The following ANO9 variants were observed in gnomAD, a reference collection of about 807,000 sequenced individuals.
ANO9 encodes the protein anoctamin 9, also known as anoctamin-9.
A neutral mutation model predicts 100.5 loss-of-function variants in ANO9; 80 were observed. That is an observed-to-expected ratio of 0.80 (90% CI 0.66 to 0.96). The LOEUF (loss-of-function observed/expected upper bound fraction) is 0.96, where lower values mean the gene tolerates loss of function less well. Among genes scored for constraint, ANO9 ranks in the 40% least tolerant of loss-of-function variants. The pLI is 0.00. For synonymous variants in ANO9, 473 were observed against 435.6 expected, an observed-to-expected ratio of 1.09 and a Z score of -1.07; for missense variants, 1,064 against 1,072.7, an observed-to-expected ratio of 0.99 and a Z score of 0.11.
rs1201077565 is a variant in ANO9, at chr11:421,644, G to A, written c.1335-446C>T. The stretch of plus-strand genomic sequence containing the variant: ...GCTCCCAGACGAACCGCACCTGCAC[G>A]TGGGCGCACACACACACACACAGGC... On this transcript the variant is annotated intron_variant, in intron 15 of 22. Transcript: ENST00000332826. This position sits in a 1 kb window ranked among gnomAD's most constrained non-coding sequence, Gnocchi z 6.8. Among the ~76,000 whole-genome samples, 2 of 151,882 alleles carry A rather than the reference G, an allele frequency of 1.3e-5. No individual in the cohort carries two copies. The highest frequency in any genetic ancestry group is 2.1e-4 in the South Asian group (1 of 4,792).
At chr11:428,685 C>A in intron 12 of ANO9, 37 bp downstream of exon 12, 2 of 1,612,398 alleles carry the variant, frequency 1.2e-6, no homozygotes, top group Non-Finnish European at 1.7e-6. Flanking sequence ...GGCATGCAGC[C>A]CGGGTCTCCA....
Position 420,789 on chromosome 11 carries a change from C to A in ANO9, c.1562G>T (p.Arg521Met). ...SGHLPRDPEL[R>M]DWRRNYLLNP... ...CAGAAGGTAGTTGCGCCGCCAGTCC[C>A]TGAGCTCGGGGTCCCGGGGCAGGTG... The change falls in exon 18 of 23, where the codon AGG becomes ATG. Residue 521 changes from arginine (R) to methionine (M), a missense_variant. Transcript: ENST00000332826. 1 of 1,600,158 alleles carries A rather than the reference C, an allele frequency of 6.2e-7. No individual in the cohort carries two copies.
rs982556206 is a variant in ANO9, at chr11:421,074, G to A, written c.1393-32C>T. 68 of 1,588,062 alleles carry A rather than the reference G, an allele frequency of 4.3e-5. No homozygotes were observed. Among genetic ancestry groups the A allele is most frequent in the Non-Finnish European group, 5.4e-5 (63 of 1,161,328 alleles). On this transcript the variant is annotated intron_variant, in intron 16 of 22. Coordinates refer to ENST00000332826, the MANE Select transcript of ANO9 (RefSeq NM_001012302.3). This position sits in a 1 kb window ranked among gnomAD's most constrained non-coding sequence, Gnocchi z 6.8. ...GGCCAGACAGGAGGAGATCAGGGAG[G>A]GGTCCTGGGGGACGGTCAGGGGAGC...
At position 428,516 on chromosome 11, in the gene ANO9, C is replaced by T. The variant is rs774335568; in HGVS notation, c.1144G>A (p.Gly382Arg). 40 of 1,612,528 alleles carry T rather than the reference C, an allele frequency of 2.5e-5. No homozygotes were observed. The highest frequency in any genetic ancestry group is 3.1e-5 in the Non-Finnish European group (36 of 1,179,894). Residue 382 changes from glycine (G) to arginine (R), a missense_variant, in exon 13 of 23, where the codon GGG becomes AGG. Physicochemically the swap from Gly to Arg is moderately radical, Grantham distance 125. Coordinates refer to ENST00000332826, the MANE Select transcript of ANO9 (RefSeq NM_001012302.3). ...EQVTTAVVVT[G>R]ALVHYVTIII... ...ATGGTCACATAGTGCACCAGAGCCC[C>T]GGTCACCACCACGGCCGTGGTCACC...
At chr11:440,796 G>A (rs1284542209) in intron 1 of ANO9, 2 of 152,332 alleles carry the variant, frequency 1.3e-5, no homozygotes, top group African/African-American at 2.4e-5. Context: ...CTCCTGAGTA[G>A]CTGAGACTGC....
At position 431,762 on chromosome 11, in the gene ANO9, C is replaced by G; in HGVS notation, c.471G>C (p.Glu157Asp). Residue 157 changes from glutamate to aspartate, a missense_variant, in exon 7 of 23, where the codon GAG becomes GAC. Physicochemically the swap from Glu to Asp is conservative, Grantham distance 45 (BLOSUM62 2). Transcript: ENST00000332826. ...GCGCCCACGTCTTCTTCAGGCGTCC[C>G]TCCCCCTGGCTCGGGTGACAGAGAG... The part of the protein sequence containing the change: ...FEARFPLHKG[E>D]GRLKKTWARW... The G allele has an allele frequency of 6.2e-7, 1 of 1,612,596 alleles. No individual in the cohort carries two copies. Among genetic ancestry groups the G allele is most frequent in the Non-Finnish European group, 8.5e-7 (1 of 1,179,574 alleles).
At chr11:420,202 G>A (rs1848085935) in intron 19 of ANO9, 2 of 1,401,090 alleles carry the variant, frequency 1.4e-6, no homozygotes, top group Non-Finnish European at 1.9e-6. Flanking sequence ...GCAGAACCTG[G>A]GTCCCCCTTG....
intron 3 of ANO9, 112 bp downstream of exon 3, chr11:433,703 G>C: frequency 4.8e-6 from 7 of 1,453,880 alleles, no homozygotes; most frequent in Non-Finnish European, 6.3e-6. Flanking sequence ...CGCCATGACC[G>C]GCCCCACAGC....
At chr11:419,209 G>GC in intron 20 of ANO9, 3 of 1,429,338 alleles carry the variant, frequency 2.1e-6, no homozygotes, top group Admixed American at 2.9e-5. Flanking sequence ...CACTTTCCCT[G>GC]CCAGAGACTG....
chr11:430,196 G>T lies in ANO9; in HGVS notation c.675-17C>A. 1 of 1,550,846 alleles carries T rather than the reference G, an allele frequency of 6.4e-7. No individual in the cohort carries two copies. Among genetic ancestry groups the T allele is most frequent in the South Asian group, 1.2e-5 (1 of 84,112 alleles). Reference sequence around the variant, plus strand: ...ATCTCCTTGCTGAAGGGGCAGGGATGAGGCTGGGGTCGGCTCCTCCAGGCA... The same window carrying T: ...ATCTCCTTGCTGAAGGGGCAGGGATTAGGCTGGGGTCGGCTCCTCCAGGCA... On this transcript the variant is annotated splice_polypyrimidine_tract_variant and intron_variant, in intron 8 of 22. Coordinates refer to ENST00000332826, the MANE Select transcript of ANO9 (RefSeq NM_001012302.3).
rs1848652748 is a variant in ANO9, at chr11:428,366, C to G, written c.1214G>C (p.Cys405Ser). ...TGGGGTAGTCCTCTCACCGAAGTCA[C>G]AAAGCTTCAGGGCCACGCACCTGTT... The part of the protein sequence containing the change: ...KINRCVALKL[C>S]DFEMPRTFSE... The change falls in exon 14 of 23, where the codon TGT becomes TCT. Residue 405 changes from cysteine to serine, a missense_variant. Cys to Ser is a moderately radical substitution (Grantham distance 112, BLOSUM62 -1). Coordinates refer to ENST00000332826, the MANE Select transcript of ANO9 (RefSeq NM_001012302.3). 1 of 1,612,642 alleles carries G rather than the reference C, an allele frequency of 6.2e-7. No homozygotes were observed. Among genetic ancestry groups the G allele is most frequent in the African/African-American group, 1.3e-5 (1 of 75,048 alleles).
Position 431,830 on chromosome 11 carries a change from G to A in ANO9, c.465+18C>T. 1.2e-6 allele frequency: 2 copies of A among 1,611,476 alleles called. No individual in the cohort carries two copies. The highest frequency in any genetic ancestry group is 1.7e-6 in the Non-Finnish European group (2 of 1,179,028). On this transcript the variant is annotated intron_variant, in intron 6 of 22. Coordinates refer to ENST00000332826, the MANE Select transcript of ANO9 (RefSeq NM_001012302.3). ...GGGTCCCACCCCAGGGCCCTCTCCA[G>A]GCCAGCCCACCCCTCACCTTGTGCA...
At chr11:418,660 G>A in intron 22 of ANO9, 60 bp downstream of exon 22, 1 of 1,610,582 alleles carries the variant, frequency 6.2e-7, no homozygotes. Flanking sequence ...GGGCCGGGGA[G>A]AAGGACTGGG....
Position 432,594 on chromosome 11 carries a change from C to A in ANO9, c.351-540G>T, listed in dbSNP as rs529418910. On this transcript the variant is annotated intron_variant, in intron 4 of 22. Coordinates refer to ENST00000332826, the MANE Select transcript of ANO9 (RefSeq NM_001012302.3). This position sits in a 1 kb window ranked among gnomAD's most constrained non-coding sequence, Gnocchi z 4.8. The stretch of plus-strand genomic sequence containing the variant: ...CATGGCTCCTGGACACCCCAGGGCA[C>A]GTCGCAGGTATGCGCCCCCCAAGCC... The A allele has an allele frequency of 4.1e-4, 65 of 158,878 alleles. No homozygotes were observed. Among genetic ancestry groups the A allele is most frequent in the Non-Finnish European group, 6.6e-4 (48 of 72,194 alleles). The allele number at this position is 158,878 out of a possible 1,614,324, so 9.8% of individuals were successfully genotyped here. A position where few individuals can be genotyped will look rare whatever the true frequency, so the allele number is the denominator to read the frequency against.
chr11:433,946 A>AGG lies in ANO9; in HGVS notation c.82-11_82-10dup. 6.4e-7 allele frequency: 1 copy of AGG among 1,558,606 alleles called. No individual in the cohort carries two copies. Among genetic ancestry groups the AGG allele is most frequent in the Non-Finnish European group, 8.7e-7 (1 of 1,150,980 alleles). ...TGCTCGGAGGCCTCGGTCTGCAGGG[A>AGG]GGAGGCATGGGGCCAGGCGCAGGTG... is the stretch of plus-strand genomic sequence containing the variant. On this transcript the variant is annotated splice_polypyrimidine_tract_variant and intron_variant, in intron 2 of 22. Transcript: ENST00000332826.
At chr11:426,133 C>G (rs1042004754) in intron 15 of ANO9, among the ~76,000 whole-genome samples, 3 of 152,184 alleles carry the variant, frequency 2.0e-5, no homozygotes, top group African/African-American at 7.2e-5. Flanking sequence ...GTAGCTTTGT[C>G]ACTGACACAG....
intron 15 of ANO9, among the ~76,000 whole-genome samples, chr11:424,363 A>G (rs1025617738): frequency 6.6e-6 from 1 of 152,256 alleles, no homozygotes; most frequent in African/African-American, 2.4e-5. Context: ...ACTAAGCTCT[A>G]GAGCCAGACT....
intron 1 of ANO9, among the ~76,000 whole-genome samples, chr11:434,477 C>T (rs1290017183): frequency 2.6e-5 from 4 of 152,180 alleles, no homozygotes; most frequent in African/African-American, 4.8e-5. Context: ...CGGGAGAAGC[C>T]ACAGGCGCCC....
chr11:434,737 G>A (rs912098123), intron 1 of ANO9, among the ~76,000 whole-genome samples: 4 of 152,220 alleles, frequency 2.6e-5, no homozygotes, highest in African/African-American at 9.7e-5. Flanking sequence ...CACAGTGCAC[G>A]GGGCTCCTGC....
Sources: allele counts gnomAD v4.1 joint callset (sites outside exome capture counted in the v4.1 genomes callset), GRCh38; gene constraint gnomAD v4.1.1; non-coding constraint Gnocchi (gnomAD v3.1); transcripts MANE v1.5; gene names NCBI Gene and HGNC (gene_info 2026-07-23, HGNC 2026-07-21).